Variants in HS6ST2 observed in about 807,000 individuals in gnomAD.
The protein encoded by HS6ST2 is heparan-sulfate 6-O-sulfotransferase 2.
Under a neutral mutation model 33.0 loss-of-function variants are expected in HS6ST2, and 17 were observed. That is an observed-to-expected ratio of 0.52 (90% CI 0.35 to 0.77). The LOEUF is 0.77. Ranked by LOEUF, HS6ST2 falls within the 30% of genes least tolerant of loss-of-function variation. HS6ST2 has a pLI of 0.01. For missense variants in HS6ST2, 519 were observed against 551.7 expected (o/e 0.94, Z 0.59); for synonymous variants, 248 against 237.1 (o/e 1.05, Z -0.42).
chrX:132,645,615 G>A (rs2063634799), intron 4 of HS6ST2, among the ~76,000 whole-genome samples: 1 of 111,962 alleles, frequency 8.9e-6, no homozygotes, highest in Non-Finnish European at 1.9e-5. Flanking sequence ...AGAACATGTC[G>A]ACCTTCACCT....
At chrX:132,712,889 G>C (rs1277770086) in intron 2 of HS6ST2, among the ~76,000 whole-genome samples, 1 of 110,785 alleles carries the variant, frequency 9.0e-6, no homozygotes, top group Non-Finnish European at 1.9e-5. Context: ...GCCTGGCGTG[G>C]TGGCAGGCGC....
chrX:132,942,984 G>A (rs1055723134), intron 2 of HS6ST2, among the ~76,000 whole-genome samples: 2 of 111,795 alleles, frequency 1.8e-5, no homozygotes, highest in Admixed American at 1.9e-4. Flanking sequence ...TTTCTCTAGC[G>A]CCTTTTTTCA....
intron 3 of HS6ST2, among the ~76,000 whole-genome samples, chrX:132,688,723 T>G (rs974266826): frequency 1.8e-5 from 2 of 111,659 alleles, no homozygotes; most frequent in African/African-American, 3.3e-5. Flanking sequence ...AAGATGAGAT[T>G]TGGGTGGGGA....
Position 132,839,292 on chromosome X carries a change from A to ATATACACATATGTATG in HS6ST2, c.947+117515_947+117516insCATACATATGTGTATA, listed in dbSNP as rs1362401100. Among the ~76,000 whole-genome samples, 88 of 43,872 alleles carry ATATACACATATGTATG rather than the reference A, an allele frequency of 2.0e-3. 2 individuals are homozygous for ATATACACATATGTATG. Among genetic ancestry groups the ATATACACATATGTATG allele is most frequent in the South Asian group, 0.012 (13 of 1,049 alleles). 38.1% of individuals were successfully genotyped at this position (43,872 alleles called of 115,157 possible). A position where few individuals can be genotyped will look rare whatever the true frequency, so the allele number is the denominator to read the frequency against. On this transcript the variant is annotated intron_variant, in intron 2 of 4. Transcript: ENST00000370833. The stretch of plus-strand genomic sequence containing the variant: ...TGTGTGTATATATATATATATATAT[A>ATATACACATATGTATG]TATATATATATATATATATATATAC...
chrX:132,767,526 G>T (rs976660929), intron 2 of HS6ST2, among the ~76,000 whole-genome samples: 3 of 111,715 alleles, frequency 2.7e-5, no homozygotes, highest in African/African-American at 9.8e-5. Context: ...GATTTTACTT[G>T]TTTTTATTTT....
chrX:132,752,408 G>C (rs1372802740), intron 2 of HS6ST2, among the ~76,000 whole-genome samples: 1 of 101,519 alleles, frequency 9.9e-6, no homozygotes, highest in African/African-American at 3.7e-5. Context: ...GGAGGCGGAG[G>C]TTGCAATGAG....
intron 4 of HS6ST2, 29 bp downstream of exon 4, chrX:132,669,084 C>A: frequency 2.0e-6 from 2 of 1,006,751 alleles, no homozygotes; most frequent in African/African-American, 3.7e-5. Context: ...ACAGCTATGT[C>A]AGATGTACAG....
At chrX:132,693,355 A>C (rs2064081256) in intron 3 of HS6ST2, among the ~76,000 whole-genome samples, 1 of 112,078 alleles carries the variant, frequency 8.9e-6, no homozygotes, top group Admixed American at 9.5e-5. Context: ...TGACCTTCAT[A>C]AAATTCTCAG....
At chrX:132,827,341 C>T (rs962104264) in intron 2 of HS6ST2, among the ~76,000 whole-genome samples, 2 of 110,985 alleles carry the variant, frequency 1.8e-5, no homozygotes, top group African/African-American at 6.6e-5. Context: ...TGTAAACTTA[C>T]TATGGTTCAC....
At chrX:132,853,079 C>T (rs1207503358) in intron 2 of HS6ST2, among the ~76,000 whole-genome samples, 1 of 112,435 alleles carries the variant, frequency 8.9e-6, no homozygotes, top group Non-Finnish European at 1.9e-5. Context: ...AACTGTTCTA[C>T]CTGCACAAGC....
intron 4 of HS6ST2, among the ~76,000 whole-genome samples, chrX:132,636,255 T>G (rs767210861): frequency 4.5e-5 from 5 of 111,783 alleles, no homozygotes; most frequent in East Asian, 2.8e-4. Context: ...GCGTATCTTA[T>G]TCTTTGATAA....
At chrX:132,881,423 T>A (rs2066171900) in intron 2 of HS6ST2, among the ~76,000 whole-genome samples, 1 of 112,217 alleles carries the variant, frequency 8.9e-6, no homozygotes, top group Non-Finnish European at 1.9e-5. Flanking sequence ...CATAAATGTC[T>A]TCTTTTGAGA....
chrX:132,705,188 CGTGTGT>C (rs59172290), intron 3 of HS6ST2, among the ~76,000 whole-genome samples: 14 of 103,227 alleles, frequency 1.4e-4, no homozygotes, highest in South Asian at 4.6e-4. Flanking sequence ...TGTGGGCACG[CGTGTGT>C]GTGTGTGTGT....
At chrX:132,810,945 A>G (rs890729687) in intron 2 of HS6ST2, among the ~76,000 whole-genome samples, 3 of 112,595 alleles carry the variant, frequency 2.7e-5, no homozygotes, top group African/African-American at 6.5e-5. Context: ...CATAGGCTAT[A>G]AAATAATAAA....
intron 2 of HS6ST2, among the ~76,000 whole-genome samples, chrX:132,818,825 T>C (rs2065421840): frequency 8.9e-6 from 1 of 112,114 alleles, no homozygotes; most frequent in Non-Finnish European, 1.9e-5. Context: ...ATATCCTTTG[T>C]CATCCAAATC....
chrX:132,830,273 AT>A (rs1471090724), intron 2 of HS6ST2, among the ~76,000 whole-genome samples: 2 of 112,073 alleles, frequency 1.8e-5, no homozygotes, highest in Non-Finnish European at 3.8e-5. Context: ...CAAACATCAA[AT>A]TCTGAGAAAG....
chrX:132,852,014 C>T (rs368015736), intron 2 of HS6ST2, among the ~76,000 whole-genome samples: 2 of 111,138 alleles, frequency 1.8e-5, no homozygotes, highest in Non-Finnish European at 3.8e-5. Flanking sequence ...TGGTGATGCA[C>T]GCCTGTAGTT....
At chrX:132,894,371 C>G (rs1312426544) in intron 2 of HS6ST2, among the ~76,000 whole-genome samples, 1 of 109,364 alleles carries the variant, frequency 9.1e-6, no homozygotes, top group Non-Finnish European at 1.9e-5. Flanking sequence ...AAACTCCTGA[C>G]GTCAGGTGAT....
intron 2 of HS6ST2, among the ~76,000 whole-genome samples, chrX:132,945,017 A>T (rs180758133): frequency 1.5e-4 from 17 of 112,008 alleles, no homozygotes; most frequent in South Asian, 7.5e-4. Context: ...ATCTAATTAA[A>T]CTCAAGAGCG....
Sources: allele counts gnomAD v4.1 joint callset (sites outside exome capture counted in the v4.1 genomes callset), GRCh38; gene constraint gnomAD v4.1.1; transcripts MANE v1.5; gene names NCBI Gene and HGNC (gene_info 2026-07-23, HGNC 2026-07-21).